Variants in RERE observed in about 807,000 individuals in gnomAD.
The protein encoded by RERE is arginine-glutamic acid dipeptide repeats.
Under a neutral mutation model 146.1 loss-of-function variants are expected in RERE, and 40 were observed. That is an observed-to-expected ratio of 0.27 (90% confidence interval 0.21 to 0.36). RERE has a LOEUF of 0.36. Ranked by LOEUF, RERE falls within the 10% of genes least tolerant of loss-of-function variation. The probability of loss-of-function intolerance (pLI) is 1.00; values close to 1 mark genes in which losing one functional copy is unlikely to be tolerated. For missense variants in RERE, 1,933 were observed against 2,138.7 expected, an observed-to-expected ratio of 0.90 and a Z score of 1.90; for synonymous variants, 1,003 against 866.0, an observed-to-expected ratio of 1.16 and a Z score of -2.78.
chr1:8,814,307 A>G (rs1348414641), intron 1 of RERE, among the ~76,000 whole-genome samples: 1 of 152,218 alleles, frequency 6.6e-6, no homozygotes, highest in African/African-American at 2.4e-5. Flanking sequence ...AACAACTGAG[A>G]TGGGCCAGGA....
At chr1:8,502,305 G>C (rs111666857) in intron 8 of RERE, among the ~76,000 whole-genome samples, 1 of 115,578 alleles carries the variant, frequency 8.7e-6, no homozygotes, top group African/African-American at 3.5e-5. Flanking sequence ...GAGCCCCTCT[G>C]CCTGGCGAGC....
intron 1 of RERE, among the ~76,000 whole-genome samples, chr1:8,788,074 G>C (rs578081229): frequency 3.8e-4 from 57 of 151,972 alleles, no homozygotes; most frequent in South Asian, 1.0e-3. Context: ...CTCCAGCCTG[G>C]GTGACAGAGT....
intron 11 of RERE, among the ~76,000 whole-genome samples, chr1:8,446,490 G>T (rs761911080): frequency 6.6e-6 from 1 of 152,146 alleles, no homozygotes; most frequent in Admixed American, 6.5e-5. Context: ...GAGTATCTTT[G>T]TGGTGGTCTC....
intron 17 of RERE, 110 bp downstream of exon 17, chr1:8,361,653 C>T: frequency 7.6e-7 from 1 of 1,318,818 alleles, no homozygotes; most frequent in African/African-American, 1.4e-5. Flanking sequence ...AAAGGCCACT[C>T]CAGCCCCACC....
intron 7 of RERE, among the ~76,000 whole-genome samples, chr1:8,529,223 T>A (rs1248140703): frequency 1.3e-5 from 2 of 151,346 alleles, no homozygotes; most frequent in Admixed American, 6.6e-5. Context: ...AACAGAAAAA[T>A]TTTAAATATA....
At chr1:8,474,088 C>T (rs572396738) in intron 10 of RERE, among the ~76,000 whole-genome samples, 1 of 152,340 alleles carries the variant, frequency 6.6e-6, no homozygotes, top group Admixed American at 6.5e-5. Flanking sequence ...ACAAATCATT[C>T]CATGCTTACT....
chr1:8,496,960 T>C (rs1429695465), intron 9 of RERE, among the ~76,000 whole-genome samples: 1 of 152,226 alleles, frequency 6.6e-6, no homozygotes, highest in Non-Finnish European at 1.5e-5. Context: ...TGTGCCGTGG[T>C]GCTCTGCTGC....
chr1:8,809,880 GAGA>G (rs952517886), intron 1 of RERE, among the ~76,000 whole-genome samples: 54 of 152,318 alleles, frequency 3.5e-4, no homozygotes, highest in African/African-American at 1.2e-3. Flanking sequence ...TCAAATGAGT[GAGA>G]AGGTTATAAC....
intron 7 of RERE, among the ~76,000 whole-genome samples, chr1:8,523,654 A>G (rs879487593): frequency 1.8e-5 from 2 of 113,476 alleles, no homozygotes; most frequent in African/African-American, 3.5e-5. Flanking sequence ...GAAGAAATAC[A>G]TACCACACTC....
chr1:8,763,935 G>A (rs1197662834), intron 1 of RERE, among the ~76,000 whole-genome samples: 21 of 112,222 alleles, frequency 1.9e-4, no homozygotes, highest in Non-Finnish European at 4.0e-4. Flanking sequence ...TCAAGACTCC[G>A]TCTAAAAAAA....
At chr1:8,573,521 C>A (rs549202811) in intron 4 of RERE, among the ~76,000 whole-genome samples, 1 of 152,310 alleles carries the variant, frequency 6.6e-6, no homozygotes, top group South Asian at 2.1e-4. Flanking sequence ...TACAGCACAT[C>A]ACAATGTGTT....
At chr1:8,593,326 T>G (rs1466994687) in intron 4 of RERE, among the ~76,000 whole-genome samples, 1 of 152,148 alleles carries the variant, frequency 6.6e-6, no homozygotes, top group East Asian at 1.9e-4. Flanking sequence ...ATAATTCCCA[T>G]GTGTTGTGGG....
intron 1 of RERE, among the ~76,000 whole-genome samples, chr1:8,805,661 A>C (rs1245730140): frequency 6.7e-6 from 1 of 150,238 alleles, no homozygotes; most frequent in Non-Finnish European, 1.5e-5. Context: ...AAAAAAAAAA[A>C]AAAACAAAAA....
chr1:8,522,869 G>A lies in RERE; in HGVS notation c.831-14194C>T, dbSNP rs376943520. ...GCCTGGGCAACAAGAGCGAGACTCC[G>A]TCTCAAAAAAAAAAAAAGAATGAAG... On this transcript the variant is annotated intron_variant, in intron 7 of 22. Transcript: ENST00000400908. Among the ~76,000 whole-genome samples, 23 of 147,298 alleles carry A rather than the reference G, an allele frequency of 1.6e-4. No homozygotes were observed. The South Asian group carries it at 2.4e-3, about 15-fold the overall frequency.
At chr1:8,569,244 A>C (rs1161424047) in intron 4 of RERE, among the ~76,000 whole-genome samples, 1 of 143,038 alleles carries the variant, frequency 7.0e-6, no homozygotes, top group Admixed American at 7.1e-5. Flanking sequence ...AGTCCATTAA[A>C]TTTCTTTAAA....
chr1:8,816,467 T>C (rs2124613865), intron 1 of RERE, among the ~76,000 whole-genome samples: 1 of 152,352 alleles, frequency 6.6e-6, no homozygotes, highest in East Asian at 1.9e-4. Context: ...TGAATCATTC[T>C]GTTTTCCTTT....
At chr1:8,611,633 G>T (rs552104828) in intron 4 of RERE, among the ~76,000 whole-genome samples, 1 of 152,288 alleles carries the variant, frequency 6.6e-6, no homozygotes, top group African/African-American at 2.4e-5. Context: ...ATGGCTAAAA[G>T]AATTAAAATG....
chr1:8,708,331 G>C (rs1441839567), intron 1 of RERE, among the ~76,000 whole-genome samples: 1 of 151,964 alleles, frequency 6.6e-6, no homozygotes. Context: ...TTTGTTTTGA[G>C]GCGGAGTCTC....
chr1:8,550,397 T>C (rs1645918961), intron 6 of RERE, among the ~76,000 whole-genome samples: 1 of 152,218 alleles, frequency 6.6e-6, no homozygotes, highest in Non-Finnish European at 1.5e-5. Flanking sequence ...AAAAATGCTG[T>C]AGGTCAAAGT....
Sources: allele counts gnomAD v4.1 joint callset (sites outside exome capture counted in the v4.1 genomes callset), GRCh38; gene constraint gnomAD v4.1.1; transcripts MANE v1.5; gene names NCBI Gene and HGNC (gene_info 2026-07-23, HGNC 2026-07-21).